CEP290: variants seen among roughly 807,000 people sequenced by gnomAD.
The protein encoded by CEP290 is centrosomal protein of 290 kDa.
CEP290 carries 317 observed loss-of-function variants against 344.9 expected under a neutral mutation model. The ratio of observed to expected loss-of-function variants is 0.92; its 90% CI spans 0.84 to 1.01. CEP290 has a LOEUF of 1.01. Among genes scored for constraint, CEP290 ranks in the 50% least tolerant of loss-of-function variants. The pLI is 0.00. For missense variants in CEP290, 2,754 were observed against 2,761.4 expected (o/e 1.00, Z 0.06); for synonymous variants, 932 against 895.8 (o/e 1.04, Z -0.72).
In CEP290 at chr12:88,120,128, A is replaced by G. The variant is rs761301690; in HGVS notation, c.1508T>C (p.Leu503Pro). 1.3e-6 allele frequency: 2 copies of G among 1,548,658 alleles called. No individual in the cohort carries two copies. Among genetic ancestry groups the G allele is most frequent in the Non-Finnish European group, 1.7e-6 (2 of 1,145,968 alleles). The change falls in exon 15 of 54, where the codon CTT becomes CCT. Residue 503 changes from leucine (L) to proline (P), a missense_variant. Physicochemically the swap from Leu to Pro is moderately conservative, Grantham distance 98 (BLOSUM62 -3). Transcript: ENST00000552810. ...ISDFLDENEA[L>P]RERVGLEPKT... The stretch of plus-strand genomic sequence containing the variant: ...ACATGGCTTACCCACACGCTCTCTA[A>G]GTGCCTCATTTTCATCAAGGAAATC...
intron 14 of CEP290, among the ~76,000 whole-genome samples, chr12:88,120,511 T>C (rs2039336895): frequency 6.6e-6 from 1 of 152,188 alleles, no homozygotes; most frequent in Non-Finnish European, 1.5e-5. Flanking sequence ...TGACTCTGAA[T>C]ATGCATTACA....
chr12:88,077,671 A>G (rs973186438), intron 40 of CEP290, 26 bp downstream of exon 40: 1 of 1,274,606 alleles, frequency 7.8e-7, no homozygotes, highest in Non-Finnish European at 1.1e-6. Context: ...TAAATCAGAC[A>G]TTATCAGAGT....
Position 88,058,974 on chromosome 12 carries a change from T to C in CEP290, c.6692A>G (p.Glu2231Gly). 6.2e-7 allele frequency: 1 copy of C among 1,612,840 alleles called. No homozygotes were observed. Among genetic ancestry groups the C allele is most frequent in the Non-Finnish European group, 8.5e-7 (1 of 1,179,484 alleles). The part of the protein sequence containing the change: ...EKLRIAKNNL[E>G]ILNEKMTVQL... Reference sequence around the variant, plus strand: ...AACTGTCATCTTCTCATTTAATATCTCTAAATTATTCTTTGCTATCCGTAA... The same window carrying C: ...AACTGTCATCTTCTCATTTAATATCCCTAAATTATTCTTTGCTATCCGTAA... Residue 2231 changes from glutamate (E) to glycine (G), a missense_variant, in exon 49 of 54, where the codon GAG becomes GGG. Physicochemically the swap from Glu to Gly is moderately conservative, Grantham distance 98 (BLOSUM62 -2). Transcript: ENST00000552810.
At chr12:88,109,622 G>C (rs1160919817) in intron 22 of CEP290, among the ~76,000 whole-genome samples, 1 of 152,066 alleles carries the variant, frequency 6.6e-6, no homozygotes, top group African/African-American at 2.4e-5. Context: ...AAGTACATAT[G>C]CTAGGCTTGT....
At chr12:88,062,585 A>G in intron 46 of CEP290, 107 bp downstream of exon 46, 1 of 676,226 alleles carries the variant, frequency 1.5e-6, no homozygotes, top group Non-Finnish European at 2.6e-6. Flanking sequence ...CTGAAACTAC[A>G]GGGCACTTGT....
rs181470731 is a variant in CEP290 at position 88,113,616 on chromosome 12, C to T, written c.2052+804G>A. Among the ~76,000 whole-genome samples the T allele has an allele frequency of 4.3e-3, 659 of 151,728 alleles. 6 individuals are homozygous for T. Among genetic ancestry groups the T allele is most frequent in the African/African-American group, 0.015 (620 of 41,400 alleles). On this transcript the variant is annotated intron_variant, in intron 20 of 53. Transcript: ENST00000552810. ...ATTTGGGAAATAATATGACAATGTA[C>T]GCTAAATATGTTCAGATAACATAAA...
At chr12:88,102,817 T>C (rs1280494922) in intron 26 of CEP290, 21 bp downstream of exon 26, 1 of 1,602,326 alleles carries the variant, frequency 6.2e-7, no homozygotes, top group Admixed American at 1.7e-5. Context: ...TTCACAAGGT[T>C]CAAGAATCAC....
chr12:88,063,268 G>A (rs992903302), intron 45 of CEP290, among the ~76,000 whole-genome samples: 1 of 151,600 alleles, frequency 6.6e-6, no homozygotes, highest in Non-Finnish European at 1.5e-5. Flanking sequence ...TTAACAGATT[G>A]CTAACATTCT....
chr12:88,136,953 C>T (rs1272068580), intron 5 of CEP290, among the ~76,000 whole-genome samples, 167 bp from the exon 6 acceptor site: 1 of 151,536 alleles, frequency 6.6e-6, no homozygotes, highest in Admixed American at 6.6e-5. Flanking sequence ...ATTTAACTTA[C>T]TTAAGGTTAG....
intron 52 of CEP290, 103 bp from the exon 53 acceptor site, chr12:88,050,536 T>C: frequency 1.8e-6 from 1 of 563,340 alleles, no homozygotes. Context: ...TTATGAAACC[T>C]AGAACCTGGA....
chr12:88,110,905 C>T (rs2038640606), intron 22 of CEP290, among the ~76,000 whole-genome samples: 1 of 151,812 alleles, frequency 6.6e-6, no homozygotes, highest in East Asian at 1.9e-4. Context: ...GACAGGTGTG[C>T]GAACAAGATG....
chr12:88,051,688 G>T (rs2033549863), intron 52 of CEP290: 1 of 152,116 alleles, frequency 6.6e-6, no homozygotes, highest in African/African-American at 2.4e-5. Context: ...AAAGATTAGA[G>T]AACTATCTAT....
At position 88,079,174 on chromosome 12, in the gene CEP290, T is replaced by A; in HGVS notation, c.5282A>T (p.Glu1761Val). 6.2e-7 allele frequency: 1 copy of A among 1,603,138 alleles called. No individual in the cohort carries two copies. The highest frequency in any genetic ancestry group is 8.5e-7 in the Non-Finnish European group (1 of 1,175,910). Residue 1761 changes from glutamate to valine, a missense_variant, in exon 39 of 54, where the codon GAA becomes GTA. Transcript: ENST00000552810. The part of the protein sequence containing the change: ...LRAEMTAAAE[E>V]RIISATSQKE... Reference sequence around the variant, plus strand: ...TTGAGAAGTTGCAGAAATAATACGTTCTTCAGCAGCTGCTGTCATTTCTGC... The same window carrying A: ...TTGAGAAGTTGCAGAAATAATACGTACTTCAGCAGCTGCTGTCATTTCTGC...
intron 20 of CEP290, among the ~76,000 whole-genome samples, chr12:88,112,605 G>A (rs977800252): frequency 3.3e-5 from 5 of 152,022 alleles, no homozygotes; most frequent in African/African-American, 9.7e-5. Context: ...TAGATGAACT[G>A]TATGGAAAAA....
chr12:88,104,195 A>C (rs948275920), intron 25 of CEP290: 1 of 152,110 alleles, frequency 6.6e-6, no homozygotes, highest in African/African-American at 2.4e-5. Flanking sequence ...GCTTTAGATC[A>C]AGCTGAAAAT....
At chr12:88,103,277 A>T (rs2038037080) in intron 25 of CEP290, 2 of 209,252 alleles carry the variant, frequency 9.6e-6, no homozygotes, top group Non-Finnish European at 1.9e-5. Context: ...ATTTGAGAAA[A>T]CATAACAAAC....
At chr12:88,113,199 G>A (rs2038816797) in intron 20 of CEP290, among the ~76,000 whole-genome samples, 1 of 152,052 alleles carries the variant, frequency 6.6e-6, no homozygotes, top group African/African-American at 2.4e-5. Context: ...AGGATTTCTT[G>A]GGCTATTCAC....
chr12:88,076,733 G>A (rs2035805034), intron 41 of CEP290, among the ~76,000 whole-genome samples: 1 of 151,930 alleles, frequency 6.6e-6, no homozygotes, highest in Non-Finnish European at 1.5e-5. Context: ...GATTATTACT[G>A]CAAATACTGA....
At chr12:88,130,082 C>G (rs1393937682) in intron 9 of CEP290, among the ~76,000 whole-genome samples, 186 bp downstream of exon 9, 2 of 151,864 alleles carry the variant, frequency 1.3e-5, no homozygotes, top group Non-Finnish European at 2.9e-5. Context: ...ATGACCAAGA[C>G]AGGCAAATAT....
Sources: gnomAD v4.1 joint callset for allele counts (sites outside exome capture counted in the v4.1 genomes callset) on GRCh38, gnomAD v4.1.1 for gene constraint, MANE v1.5 for transcripts, NCBI Gene and HGNC (gene_info 2026-07-23, HGNC 2026-07-21) for gene names.